CHP1: variants seen among roughly 807,000 people sequenced by gnomAD.
The protein encoded by CHP1 is calcineurin like EF-hand protein 1, also known as calcineurin B homologous protein 1.
A neutral mutation model predicts 27.4 loss-of-function variants in CHP1; 11 were observed. That is an observed-to-expected ratio of 0.40 (90% CI 0.25 to 0.67). CHP1 has a LOEUF of 0.67. Ranked by LOEUF, CHP1 falls within the 30% of genes least tolerant of loss-of-function variation. The probability of loss-of-function intolerance (pLI) is 0.38; values close to 1 mark genes in which losing one functional copy is unlikely to be tolerated. For missense variants in CHP1, 169 were observed against 251.3 expected (o/e 0.67, Z 2.22); for synonymous variants, 89 against 87.4 (o/e 1.02, Z -0.10).
chr15:41,249,691 T>A (rs1173296088), intron 2 of CHP1, among the ~76,000 whole-genome samples: 2 of 151,740 alleles, frequency 1.3e-5, no homozygotes, highest in South Asian at 2.1e-4. Flanking sequence ...CCAGGATGGT[T>A]TTGATCTCCT....
intron 2 of CHP1, among the ~76,000 whole-genome samples, chr15:41,254,092 C>A (rs2047386287): frequency 6.6e-6 from 1 of 151,976 alleles, no homozygotes; most frequent in Non-Finnish European, 1.5e-5. Flanking sequence ...CATACCCAGC[C>A]CTCTTTCTTT....
At chr15:41,242,961 T>TA (rs143884948) in intron 1 of CHP1, among the ~76,000 whole-genome samples, 31,799 of 151,908 alleles carry the variant, frequency 0.21, 3,653 homozygotes, top group Non-Finnish European at 0.26. Flanking sequence ...AAGAAAAAAG[T>TA]AAAAAAATAA....
Position 41,243,691 on chromosome 15 carries a change from T to C in CHP1, c.92T>C (p.Leu31Pro). ...GTTTCCCACAGTCAAATCACTCGCC[T>C]CTACAGCCGGTTCACCAGCCTGGAC... ...TGFSHSQITR[L>P]YSRFTSLDKG... Residue 31 changes from leucine to proline, a missense_variant, in exon 2 of 7, where the codon CTC becomes CCC. By Grantham distance (98) the Leu-to-Pro change is moderately conservative. Coordinates refer to ENST00000334660, the MANE Select transcript of CHP1 (RefSeq NM_007236.5). 2 of 1,614,116 alleles carry C rather than the reference T, an allele frequency of 1.2e-6. No individual in the cohort carries two copies. Among genetic ancestry groups the C allele is most frequent in the Non-Finnish European group, 1.7e-6 (2 of 1,179,990 alleles).
At chr15:41,247,132 G>T (rs577909790) in intron 2 of CHP1, among the ~76,000 whole-genome samples, 1 of 152,272 alleles carries the variant, frequency 6.6e-6, no homozygotes, top group African/African-American at 2.4e-5. Flanking sequence ...ACTTTGGGAG[G>T]CCAAGGCAGG....
chr15:41,251,466 G>A (rs1322236231), intron 2 of CHP1, among the ~76,000 whole-genome samples: 2 of 152,158 alleles, frequency 1.3e-5, no homozygotes, highest in African/African-American at 4.8e-5. Context: ...GACCCCTGGG[G>A]TCCCCAACCT....
intron 3 of CHP1, among the ~76,000 whole-genome samples, chr15:41,257,588 C>T (rs941688035): frequency 5.3e-5 from 8 of 151,884 alleles, no homozygotes; most frequent in African/African-American, 1.5e-4. Flanking sequence ...AAGACAGAGT[C>T]TTGCTCGGTC....
intron 2 of CHP1, among the ~76,000 whole-genome samples, chr15:41,253,357 C>T (rs1256452735): frequency 6.6e-6 from 1 of 152,092 alleles, no homozygotes; most frequent in Non-Finnish European, 1.5e-5. Context: ...CCCAGATCTA[C>T]ATTCTACTAT....
intron 4 of CHP1, among the ~76,000 whole-genome samples, chr15:41,263,221 C>T (rs1271337137): frequency 1.3e-5 from 2 of 152,134 alleles, no homozygotes; most frequent in Non-Finnish European, 2.9e-5. Flanking sequence ...TAAGTGTTAC[C>T]TAGTATCATT....
intron 1 of CHP1, among the ~76,000 whole-genome samples, chr15:41,237,028 G>C (rs1303237336): frequency 6.7e-6 from 1 of 150,132 alleles, no homozygotes; most frequent in African/African-American, 2.5e-5. Flanking sequence ...ATGGGGTTTC[G>C]CCACGTTGGC....
chr15:41,278,707 T>G, intron 5 of CHP1, 60 bp from the exon 6 acceptor site: 1 of 1,605,738 alleles, frequency 6.2e-7, no homozygotes, highest in Non-Finnish European at 8.5e-7. Context: ...ATTTTTAATC[T>G]TAGTAAAGAG....
At chr15:41,266,383 A>C (rs1285017615) in intron 4 of CHP1, among the ~76,000 whole-genome samples, 2 of 152,076 alleles carry the variant, frequency 1.3e-5, no homozygotes, top group South Asian at 4.2e-4. Flanking sequence ...TGAAAGGTAT[A>C]ATTCATCTTA....
intron 1 of CHP1, among the ~76,000 whole-genome samples, chr15:41,241,086 C>A (rs183105016): frequency 6.6e-6 from 1 of 152,276 alleles, no homozygotes; most frequent in Non-Finnish European, 1.5e-5. Flanking sequence ...CTCTTTTCCT[C>A]AGCATCCGCC....
chr15:41,249,449 TG>T (rs1254552172), intron 2 of CHP1, among the ~76,000 whole-genome samples: 3 of 146,150 alleles, frequency 2.1e-5, no homozygotes, highest in Non-Finnish European at 3.0e-5. Flanking sequence ...CCACCATGCC[TG>T]GCCTTCACCT....
chr15:41,258,528 C>T (rs1381591333), intron 3 of CHP1, among the ~76,000 whole-genome samples: 1 of 152,114 alleles, frequency 6.6e-6, no homozygotes, highest in Non-Finnish European at 1.5e-5. Context: ...ATTTCCCCAG[C>T]CTTTATTTTA....
intron 1 of CHP1, among the ~76,000 whole-genome samples, chr15:41,231,874 C>T (rs2047246861): frequency 6.6e-6 from 1 of 152,072 alleles, no homozygotes; most frequent in African/African-American, 2.4e-5. Context: ...GACCTAAAAC[C>T]TCTGACAACT....
intron 2 of CHP1, among the ~76,000 whole-genome samples, chr15:41,247,246 G>GTAAT (rs2047339941): frequency 6.6e-6 from 1 of 152,078 alleles, no homozygotes; most frequent in Admixed American, 6.6e-5. Context: ...GCGCATGCCT[G>GTAAT]GAATTCCAGG....
chr15:41,264,062 T>C (rs2047447203), intron 4 of CHP1: 3 of 538,028 alleles, frequency 5.6e-6, no homozygotes, highest in Non-Finnish European at 9.3e-6. Context: ...TTTTTCTCTT[T>C]ACTCTGCCAT....
At chr15:41,235,843 C>T (rs1368561623) in intron 1 of CHP1, among the ~76,000 whole-genome samples, 1 of 152,168 alleles carries the variant, frequency 6.6e-6, no homozygotes, top group African/African-American at 2.4e-5. Context: ...CCCTTCACAG[C>T]CCTCACCAGC....
intron 2 of CHP1, among the ~76,000 whole-genome samples, chr15:41,248,605 C>T (rs927927876): frequency 1.3e-5 from 2 of 152,052 alleles, no homozygotes. Context: ...TGATCTCTAT[C>T]ATGGTGTGGA....
Sources: allele counts gnomAD v4.1 joint callset (sites outside exome capture counted in the v4.1 genomes callset), GRCh38; gene constraint gnomAD v4.1.1; transcripts MANE v1.5; gene names NCBI Gene and HGNC (gene_info 2026-07-23, HGNC 2026-07-21).